The following RASSF9 variants were observed in gnomAD, a reference collection of about 807,000 sequenced individuals.
RASSF9 encodes the protein ras association domain-containing protein 9.
In RASSF9, 18 loss-of-function variants were observed where a neutral mutation model predicts 21.4. That is an observed-to-expected ratio of 0.84 (90% CI 0.58 to 1.25). RASSF9 has a LOEUF of 1.25. Ranked by LOEUF, RASSF9 falls within the 50% of genes most tolerant of loss-of-function variation. The pLI is 0.00. For missense variants in RASSF9, 480 were observed against 503.2 expected, an observed-to-expected ratio of 0.95 and a Z score of 0.44; for synonymous variants, 183 against 179.1, an observed-to-expected ratio of 1.02 and a Z score of -0.18.
chr12:85,805,751 C>A lies in RASSF9; in HGVS notation c.259G>T (p.Glu87Ter), dbSNP rs368582831. 2 of 1,613,832 alleles carry A rather than the reference C, an allele frequency of 1.2e-6. No individual in the cohort carries two copies. The highest frequency in any genetic ancestry group is 1.3e-5 in the African/African-American group (1 of 75,054). The change falls in exon 2 of 2, where the codon GAA becomes TAA. Residue 87 changes from glutamate (E) to a stop codon, truncating the protein, a stop_gained. Transcript: ENST00000361228. LOFTEE classifies it high-confidence loss of function. ...YCIIEKWRGS[E>*]RVLPPLTRIL... ...CTAGTTAGTGGAGGAAGAACCCTTT[C>A]GGAGCCTCTCCACTTCTCTATGATG...
At chr12:85,836,066 A>G in intron 1 of RASSF9, 89 bp downstream of exon 1, 1 of 1,543,588 alleles carries the variant, frequency 6.5e-7, no homozygotes, top group Non-Finnish European at 8.7e-7. Context: ...CACAAAACAC[A>G]TACTTTCACA....
chr12:85,836,008 G>A (rs1880553700), intron 1 of RASSF9, 147 bp downstream of exon 1: 2 of 1,493,458 alleles, frequency 1.3e-6, no homozygotes, highest in Non-Finnish European at 1.8e-6. Context: ...AACTCCTTAG[G>A]CTAGGACTGT....
intron 1 of RASSF9, among the ~76,000 whole-genome samples, chr12:85,819,799 A>G (rs953454786): frequency 1.3e-5 from 2 of 152,222 alleles, no homozygotes; most frequent in African/African-American, 4.8e-5. Context: ...GAAGACAACA[A>G]TAATGTGGTT....
intron 1 of RASSF9, among the ~76,000 whole-genome samples, chr12:85,807,088 T>G (rs184268604): frequency 4.1e-4 from 62 of 152,292 alleles, no homozygotes; most frequent in African/African-American, 1.3e-3. Flanking sequence ...AAGGGCGGAC[T>G]ATTTTACTTA....
chr12:85,811,628 G>A (rs562923296), intron 1 of RASSF9, among the ~76,000 whole-genome samples: 59 of 151,810 alleles, frequency 3.9e-4, no homozygotes, highest in Non-Finnish European at 7.1e-4. Flanking sequence ...TGTTATCTTC[G>A]CAATTTGCAA....
In RASSF9 at chr12:85,821,997, G is replaced by A. The variant is rs191846452; in HGVS notation, c.47+14158C>T. 5.3e-5 allele frequency among the ~76,000 whole-genome samples: 8 copies of A among 152,256 alleles called. No individual in the cohort carries two copies. The East Asian group carries it at 1.5e-3, about 29-fold the overall frequency. On this transcript the variant is annotated intron_variant, in intron 1 of 1. Coordinates refer to ENST00000361228, the MANE Select transcript of RASSF9 (RefSeq NM_005447.4). ...ATCTAATCTTGTTGGAAATTCGGGT[G>A]TACCTGCACCTGGGAGGTTGCTAAA... is the stretch of plus-strand genomic sequence containing the variant.
intron 1 of RASSF9, among the ~76,000 whole-genome samples, chr12:85,815,815 T>TAGATA (rs1338536631): frequency 6.6e-6 from 1 of 152,074 alleles, no homozygotes; most frequent in Non-Finnish European, 1.5e-5. Context: ...TGTAAATTTG[T>TAGATA]TTAAGTTCCT....
At position 85,801,909 on chromosome 12, in the gene RASSF9, A is replaced by G. The variant is rs1203033116; in HGVS notation, c.*2793T>C. Reference sequence around the variant, plus strand: ...CCAGAATAAAAATGCTTCTTATGAGAAGTACCTCTAAAATATTTCTGGGTT... The same window carrying G: ...CCAGAATAAAAATGCTTCTTATGAGGAGTACCTCTAAAATATTTCTGGGTT... On this transcript the variant is annotated 3_prime_UTR_variant, in exon 2 of 2. Coordinates refer to ENST00000361228, the MANE Select transcript of RASSF9 (RefSeq NM_005447.4). 1 of 152,260 alleles carries G rather than the reference A, an allele frequency of 6.6e-6. No individual in the cohort carries two copies. Among genetic ancestry groups the G allele is most frequent in the African/African-American group, 2.4e-5 (1 of 41,476 alleles). 9.4% of individuals were successfully genotyped at this position (152,260 alleles called of 1,614,324 possible).
intron 1 of RASSF9, among the ~76,000 whole-genome samples, chr12:85,829,533 C>A (rs1026144584): frequency 6.6e-6 from 1 of 152,012 alleles, no homozygotes; most frequent in Non-Finnish European, 1.5e-5. Context: ...TATTACTGCC[C>A]GTTTCTTGGA....
In RASSF9 at chr12:85,836,209, C is replaced by T; in HGVS notation, c.-8G>A. 2 of 1,526,198 alleles carry T rather than the reference C, an allele frequency of 1.3e-6. No homozygotes were observed. Among genetic ancestry groups the T allele is most frequent in the Non-Finnish European group, 1.8e-6 (2 of 1,139,766 alleles). 94.5% of individuals were successfully genotyped at this position (1,526,198 alleles called of 1,614,324 possible). On this transcript the variant is annotated 5_prime_UTR_variant, in exon 1 of 2. Transcript: ENST00000361228. ...TCTTCCAAAGGGAGCCATGGTCTGT[C>T]GGGCAAACGAATAAAGAAATTATCT...
At position 85,805,472 on chromosome 12, in the gene RASSF9, G is replaced by T; in HGVS notation, c.538C>A (p.Arg180=). 1.2e-6 allele frequency: 2 copies of T among 1,613,850 alleles called. No individual in the cohort carries two copies. The highest frequency in any genetic ancestry group is 8.5e-7 in the Non-Finnish European group (1 of 1,179,874). The change falls in exon 2 of 2, where the codon CGA becomes AGA. Residue 180 remains arginine (R), a synonymous_variant. Transcript: ENST00000361228. ...TGAACTAATGTCTCCATATTATCTC[G>T]ATCATGAGAAACTGTGTCCTGCTTA... The part of the protein sequence containing the change: ...KIKQDTVSHD[R]DNMETLVHLI...
intron 1 of RASSF9, among the ~76,000 whole-genome samples, chr12:85,831,465 G>A (rs556591333): frequency 5.2e-4 from 79 of 152,034 alleles, no homozygotes; most frequent in Non-Finnish European, 1.0e-4. Context: ...GTTTAACCTA[G>A]AGCTCAATTT....
intron 1 of RASSF9, among the ~76,000 whole-genome samples, chr12:85,820,734 G>A (rs1004310510): frequency 5.3e-5 from 8 of 152,082 alleles, no homozygotes; most frequent in South Asian, 2.1e-4. Flanking sequence ...TCAGGAATAC[G>A]TATTGAACAT....
At chr12:85,809,544 G>A (rs1009342779) in intron 1 of RASSF9, among the ~76,000 whole-genome samples, 4 of 151,984 alleles carry the variant, frequency 2.6e-5, no homozygotes, top group African/African-American at 9.7e-5. Context: ...AACCTCTGTT[G>A]TTGTCTCCTC....
In RASSF9 at chr12:85,805,919, C is replaced by T; in HGVS notation, c.91G>A (p.Val31Ile). The change falls in exon 2 of 2, where the codon GTT becomes ATT. Residue 31 changes from valine (V) to isoleucine (I), a missense_variant. By Grantham distance (29) the Val-to-Ile change is conservative. Coordinates refer to ENST00000361228, the MANE Select transcript of RASSF9 (RefSeq NM_005447.4). Reference protein sequence around the residue: ...DMDSEEKEIVVWVCQEEKLVC... With the variant: ...DMDSEEKEIVIWVCQEEKLVC... ...AGCTTCTCTTCTTGGCAAACCCAAACCACAATTTCCTTCTCTTCTGAATCC... is the reference window on the plus strand; with the variant it reads ...AGCTTCTCTTCTTGGCAAACCCAAATCACAATTTCCTTCTCTTCTGAATCC... The T allele has an allele frequency of 6.2e-7, 1 of 1,613,202 alleles. No individual in the cohort carries two copies.
At position 85,802,963 on chromosome 12, in the gene RASSF9, C is replaced by A. The variant is rs1879732952; in HGVS notation, c.*1739G>T. ...CCATAGAATGGAAATTTCTATTTTT[C>A]TTACCAGCCAACTTGAAATAAGACC... On this transcript the variant is annotated 3_prime_UTR_variant, in exon 2 of 2. Coordinates refer to ENST00000361228, the MANE Select transcript of RASSF9 (RefSeq NM_005447.4). The A allele has an allele frequency of 6.6e-6, 1 of 151,994 alleles. No individual in the cohort carries two copies. The highest frequency in any genetic ancestry group is 2.4e-5 in the African/African-American group (1 of 41,396). The allele number at this position is 151,994 out of a possible 1,614,324, so 9.4% of individuals were successfully genotyped here.
rs1167396400 is a variant in RASSF9 at position 85,801,837 on chromosome 12, A to T, written c.*2865T>A. The T allele has an allele frequency of 6.6e-6, 1 of 152,212 alleles. No individual in the cohort carries two copies. The highest frequency in any genetic ancestry group is 6.5e-5 in the Admixed American group (1 of 15,284). 9.4% of individuals were successfully genotyped at this position (152,212 alleles called of 1,614,324 possible). ...CTCAAGGAAAAAAAAAATAGAATTC[A>T]TTGAAGGAGGGGAATTAGGTAAGTG... On this transcript the variant is annotated 3_prime_UTR_variant, in exon 2 of 2. Transcript: ENST00000361228.
rs1008029516 is a variant in RASSF9, at chr12:85,805,548, T to C, written c.462A>G (p.Pro154=). ...TCCTGACTATTCTTTTTTGTTTATC[T>C]GGTGGTAAAGTCTTCATGTAGTTTG... ...SPANYMKTLP[P]DKQKRIVRKT... is the part of the protein sequence containing the mutation. Residue 154 remains proline, a synonymous_variant, in exon 2 of 2, where the codon CCA becomes CCG. Coordinates refer to ENST00000361228, the MANE Select transcript of RASSF9 (RefSeq NM_005447.4). 1.9e-6 allele frequency: 3 copies of C among 1,613,830 alleles called. No homozygotes were observed. Among genetic ancestry groups the C allele is most frequent in the African/African-American group, 2.7e-5 (2 of 74,934 alleles).
In RASSF9 at chr12:85,802,103, T is replaced by C. The variant is rs1879717792; in HGVS notation, c.*2599A>G. 6.6e-6 allele frequency: 1 copy of C among 152,196 alleles called. No homozygotes were observed. Among genetic ancestry groups the C allele is most frequent in the South Asian group, 2.1e-4 (1 of 4,832 alleles). The allele number at this position is 152,196 out of a possible 1,614,324, so 9.4% of individuals were successfully genotyped here. A position where few individuals can be genotyped will look rare whatever the true frequency, so the allele number is the denominator to read the frequency against. ...ATGAATCTAGGTCCTGTTACAGAAA[T>C]TAAGAATAGTCAGCTTTGGTTTGTT... On this transcript the variant is annotated 3_prime_UTR_variant, in exon 2 of 2. Coordinates refer to ENST00000361228, the MANE Select transcript of RASSF9 (RefSeq NM_005447.4).
Sources: allele counts gnomAD v4.1 joint callset (sites outside exome capture counted in the v4.1 genomes callset), GRCh38; gene constraint gnomAD v4.1.1; transcripts MANE v1.5; gene names NCBI Gene and HGNC (gene_info 2026-07-23, HGNC 2026-07-21).